Variants in DRC8 observed in about 807,000 individuals in gnomAD.
DRC8 encodes dynein regulatory complex protein 8.
the DRC8 span, among the ~76,000 whole-genome samples, chr1:245,101,979 A>G: frequency 2.6e-5 from 4 of 152,206 alleles, no homozygotes; most frequent in African/African-American, 9.6e-5. Flanking sequence ...ACACGAGATC[A>G]GGGCCAACAG....
chr1:245,003,127 TCCTTTTCAA>T, the DRC8 span, among the ~76,000 whole-genome samples: 1 of 152,242 alleles, frequency 6.6e-6, no homozygotes, highest in Admixed American at 6.5e-5. Flanking sequence ...AGAATTTCCT[TCCTTTTCAA>T]GGCTAAGTAA....
At chr1:245,088,657 A>G in the DRC8 span, among the ~76,000 whole-genome samples, 1 of 152,246 alleles carries the variant, frequency 6.6e-6, no homozygotes, top group African/African-American at 2.4e-5. This position sits in a 1 kb window ranked among gnomAD's most constrained non-coding sequence, Gnocchi z 4.6. Context: ...GAAGAGAGGC[A>G]GCTACTCAGC....
chr1:245,071,241 A>C, the DRC8 span, among the ~76,000 whole-genome samples: 1 of 152,252 alleles, frequency 6.6e-6, no homozygotes, highest in Non-Finnish European at 1.5e-5. Context: ...TTTGAGGTGT[A>C]TGCTAGAAAA....
At chr1:244,974,448 T>TA in the DRC8 span, among the ~76,000 whole-genome samples, 1 of 152,228 alleles carries the variant, frequency 6.6e-6, no homozygotes, top group East Asian at 1.9e-4. Flanking sequence ...TTACTTTGCG[T>TA]GCTTTGATAA....
the DRC8 span, chr1:244,970,646 GCC>G: frequency 4.3e-4 from 17 of 39,174 alleles, no homozygotes; most frequent in East Asian, 0.14. Context: ...GCTCCGCCCC[GCC>G]CCGCCCCGCC....
the DRC8 span, among the ~76,000 whole-genome samples, chr1:245,107,497 C>T: frequency 3.3e-3 from 507 of 152,344 alleles, no homozygotes; most frequent in Non-Finnish European, 5.7e-3. Flanking sequence ...GCCTCTAACA[C>T]CGCCAAATCT....
the DRC8 span, among the ~76,000 whole-genome samples, chr1:245,032,902 G>C: frequency 1.6e-3 from 245 of 152,024 alleles, 4 homozygotes; most frequent in East Asian, 1.2e-3. Flanking sequence ...CACGCCTGCT[G>C]TCCCAGCTAC....
the DRC8 span, chr1:245,122,058 C>T: frequency 3.4e-6 from 1 of 292,434 alleles, no homozygotes; most frequent in East Asian, 1.1e-4. Flanking sequence ...ACCACCACGC[C>T]TGGCTAATTT....
the DRC8 span, among the ~76,000 whole-genome samples, chr1:244,980,218 C>CAA: frequency 9.9e-4 from 64 of 64,886 alleles, 1 homozygote; most frequent in South Asian, 2.6e-3. Context: ...GACTCCGTCT[C>CAA]AAAAAAAAAA....
chr1:244,973,585 T>C, the DRC8 span, among the ~76,000 whole-genome samples: 1 of 152,244 alleles, frequency 6.6e-6, no homozygotes, highest in East Asian at 1.9e-4. Context: ...CCCCTCTGCT[T>C]TACCGGTAAG....
the DRC8 span, chr1:245,087,883 T>C: frequency 1.8e-5 from 11 of 598,158 alleles, no homozygotes; most frequent in Non-Finnish European, 1.5e-5. Flanking sequence ...GGGATAATAA[T>C]AACTTAGTGT....
chr1:245,046,923 T>C, the DRC8 span, among the ~76,000 whole-genome samples: 13 of 152,338 alleles, frequency 8.5e-5, no homozygotes, highest in East Asian at 2.5e-3. Context: ...TGAGCTGCCT[T>C]GAGCTGAGGT....
the DRC8 span, among the ~76,000 whole-genome samples, chr1:245,008,138 A>G: frequency 6.7e-6 from 1 of 149,196 alleles, no homozygotes; most frequent in Non-Finnish European, 1.5e-5. Flanking sequence ...GTCTCACCAC[A>G]GCACTTCAGC....
the DRC8 span, among the ~76,000 whole-genome samples, chr1:245,060,986 G>C: frequency 6.6e-6 from 1 of 152,192 alleles, no homozygotes; most frequent in East Asian, 1.9e-4. Context: ...TTGCCACAGA[G>C]ACCTACAGCT....
the DRC8 span, among the ~76,000 whole-genome samples, chr1:245,084,585 G>C: frequency 2.0e-5 from 3 of 152,080 alleles, no homozygotes; most frequent in Non-Finnish European, 4.4e-5. Context: ...CTGCTAGGCT[G>C]ATGTGTAAAT....
the DRC8 span, among the ~76,000 whole-genome samples, chr1:245,037,541 G>A: frequency 1.3e-5 from 2 of 152,134 alleles, no homozygotes; most frequent in Non-Finnish European, 2.9e-5. Flanking sequence ...GGCACAAACA[G>A]CATTTTCATT....
chr1:245,092,946 C>A, the DRC8 span, among the ~76,000 whole-genome samples: 1 of 152,268 alleles, frequency 6.6e-6, no homozygotes, highest in Middle Eastern at 3.4e-3. Context: ...GTGGAAAAAA[C>A]ACTTTTCGGG....
chr1:245,024,631 T>C, the DRC8 span, among the ~76,000 whole-genome samples: 11 of 150,664 alleles, frequency 7.3e-5, no homozygotes, highest in African/African-American at 2.2e-4. Flanking sequence ...CACTGCAACC[T>C]CTGCCTCCTG....
the DRC8 span, among the ~76,000 whole-genome samples, chr1:244,995,265 T>G: frequency 1.3e-5 from 2 of 151,782 alleles, no homozygotes; most frequent in Non-Finnish European, 2.9e-5. Flanking sequence ...GGAGGCTAAG[T>G]CAGGAGAATC....
Sources: allele counts gnomAD v4.1 joint callset (sites outside exome capture counted in the v4.1 genomes callset), GRCh38; gene constraint gnomAD v4.1.1; non-coding constraint Gnocchi (gnomAD v3.1); transcripts MANE v1.5; gene names NCBI Gene and HGNC (gene_info 2026-07-23, HGNC 2026-07-21).